STXBP5L: variants seen among roughly 807,000 people sequenced by gnomAD.
STXBP5L encodes syntaxin-binding protein 5-like.
In STXBP5L, 65 loss-of-function variants were observed where a neutral mutation model predicts 144.5. The ratio of observed to expected loss-of-function variants is 0.45; its 90% confidence interval spans 0.37 to 0.55. STXBP5L has a LOEUF of 0.55. Among genes scored for constraint, STXBP5L ranks in the 20% least tolerant of loss-of-function variants. The pLI is 0.00. For synonymous variants in STXBP5L, 505 were observed against 469.6 expected (o/e 1.08, Z -0.97); for missense variants, 1,298 against 1,405.5 (o/e 0.92, Z 1.22).
chr3:121,166,989 AG>A (rs1321183824), intron 9 of STXBP5L, among the ~76,000 whole-genome samples: 14 of 84 alleles, frequency 0.17, no homozygotes, highest in Non-Finnish European at 0.24. Context: ...AAAACTGTTC[AG>A]AAAAAAAACG....
chr3:121,408,307 A>T (rs1157642633), intron 23 of STXBP5L, among the ~76,000 whole-genome samples: 1 of 152,022 alleles, frequency 6.6e-6, no homozygotes, highest in Non-Finnish European at 1.5e-5. Flanking sequence ...CGTATACTAT[A>T]TAGAAGTCAC....
chr3:120,914,820 C>T (rs182546413), intron 2 of STXBP5L, among the ~76,000 whole-genome samples: 1 of 152,176 alleles, frequency 6.6e-6, no homozygotes, highest in East Asian at 1.9e-4. Context: ...ATTAATCTAC[C>T]ATTAAGACTA....
chr3:120,984,499 ATTAG>A (rs1488638987), intron 3 of STXBP5L, among the ~76,000 whole-genome samples: 1 of 151,484 alleles, frequency 6.6e-6, no homozygotes, highest in Admixed American at 6.6e-5. Context: ...CAATTCATTT[ATTAG>A]TTCTAACGGG....
chr3:121,266,646 GAAAT>G (rs948577015), intron 18 of STXBP5L, among the ~76,000 whole-genome samples: 5 of 152,130 alleles, frequency 3.3e-5, no homozygotes, highest in Non-Finnish European at 7.4e-5. Flanking sequence ...GCAAGAGAAA[GAAAT>G]AAAGGGTATT....
chr3:121,214,951 C>T (rs1032142665), intron 10 of STXBP5L, among the ~76,000 whole-genome samples: 2 of 152,066 alleles, frequency 1.3e-5, no homozygotes, highest in Non-Finnish European at 1.5e-5. Context: ...ATCCCTTTAC[C>T]ATTATGTAAT....
intron 20 of STXBP5L, among the ~76,000 whole-genome samples, chr3:121,375,486 T>C (rs1031646592): frequency 6.6e-6 from 1 of 152,192 alleles, no homozygotes; most frequent in African/African-American, 2.4e-5. Flanking sequence ...GATTATTACG[T>C]ATGTGATATG....
At chr3:121,301,254 G>A (rs1242157906) in intron 19 of STXBP5L, among the ~76,000 whole-genome samples, 4 of 152,080 alleles carry the variant, frequency 2.6e-5, no homozygotes, top group African/African-American at 9.7e-5. Context: ...CCTTAAAGAG[G>A]TCCTTCACAT....
chr3:121,122,319 A>G (rs1456796407), intron 7 of STXBP5L, among the ~76,000 whole-genome samples: 1 of 151,144 alleles, frequency 6.6e-6, no homozygotes, highest in African/African-American at 2.4e-5. Context: ...TCAAACCTGA[A>G]AGGCAAGTCC....
At position 120,963,546 on chromosome 3, in the gene STXBP5L, T is replaced by A. The variant is rs181166112; in HGVS notation, c.287+8509T>A. Among the ~76,000 whole-genome samples, 6 of 152,342 alleles carry A rather than the reference T, an allele frequency of 3.9e-5. No individual in the cohort carries two copies. The East Asian group carries it at 1.2e-3, about 29-fold the overall frequency. Reference sequence around the variant, plus strand: ...TGAGATAATCATGTGGTTTTTGTCATTTGTTCTGTTTATTTGATGGATTAT... The same window carrying A: ...TGAGATAATCATGTGGTTTTTGTCAATTGTTCTGTTTATTTGATGGATTAT... On this transcript the variant is annotated intron_variant, in intron 3 of 26. Coordinates refer to ENST00000471454, the MANE Select transcript of STXBP5L (RefSeq NM_001308330.2).
At chr3:121,291,809 A>T (rs1187598897) in intron 19 of STXBP5L, among the ~76,000 whole-genome samples, 1 of 152,156 alleles carries the variant, frequency 6.6e-6, no homozygotes, top group African/African-American at 2.4e-5. Flanking sequence ...TGGGGAAAGG[A>T]CACCCTATTC....
intron 10 of STXBP5L, among the ~76,000 whole-genome samples, chr3:121,222,771 C>T (rs1268137811): frequency 1.3e-5 from 2 of 152,116 alleles, no homozygotes; most frequent in East Asian, 1.9e-4. Flanking sequence ...CAAACCTACC[C>T]CAATATGTTT....
intron 5 of STXBP5L, among the ~76,000 whole-genome samples, chr3:121,096,159 G>A (rs2043117769): frequency 6.6e-6 from 1 of 152,124 alleles, no homozygotes; most frequent in East Asian, 1.9e-4. Flanking sequence ...TACCTCAGTT[G>A]GAAGTGCAGA....
chr3:121,285,588 G>A (rs1318724088), intron 19 of STXBP5L, among the ~76,000 whole-genome samples: 3 of 151,956 alleles, frequency 2.0e-5, no homozygotes, highest in Non-Finnish European at 2.9e-5. Flanking sequence ...TCACATCATA[G>A]AATAATAAAA....
In STXBP5L at chr3:121,419,231, A is replaced by C. The variant is rs756302118; in HGVS notation, c.*134A>C. 2.2e-6 allele frequency: 2 copies of C among 889,182 alleles called. No homozygotes were observed. The highest frequency in any genetic ancestry group is 3.0e-5 in the Admixed American group (1 of 32,948). 55.1% of individuals were successfully genotyped at this position (889,182 alleles called of 1,614,324 possible). On this transcript the variant is annotated 3_prime_UTR_variant, in exon 27 of 27. Coordinates refer to ENST00000471454, the MANE Select transcript of STXBP5L (RefSeq NM_001308330.2). The stretch of plus-strand genomic sequence containing the variant: ...CATTTACAGTCAATCTGAAATTTTC[A>C]TAAAAGAGATGTATCAGAGACACTG...
At chr3:121,044,707 A>C (rs1254109930) in intron 4 of STXBP5L, among the ~76,000 whole-genome samples, 1 of 152,166 alleles carries the variant, frequency 6.6e-6, no homozygotes. Context: ...TAGTTTAAGC[A>C]TATATACAAA....
chr3:121,162,231 G>T (rs967022925), intron 9 of STXBP5L, among the ~76,000 whole-genome samples: 1 of 152,092 alleles, frequency 6.6e-6, no homozygotes, highest in Non-Finnish European at 1.5e-5. Context: ...GTATGAAGAC[G>T]TTGATTTCCC....
intron 20 of STXBP5L, among the ~76,000 whole-genome samples, chr3:121,349,065 G>A (rs1291310547): frequency 6.6e-6 from 1 of 152,012 alleles, no homozygotes; most frequent in African/African-American, 2.4e-5. Flanking sequence ...GTCAGTTTTA[G>A]ATATTTCCTG....
intron 19 of STXBP5L, among the ~76,000 whole-genome samples, chr3:121,289,804 A>G (rs1310581512): frequency 6.6e-6 from 1 of 152,230 alleles, no homozygotes; most frequent in Non-Finnish European, 1.5e-5. Flanking sequence ...CTGCCCCTGA[A>G]TGATAGTTGG....
At chr3:121,215,514 A>G (rs964289935) in intron 10 of STXBP5L, among the ~76,000 whole-genome samples, 7 of 152,152 alleles carry the variant, frequency 4.6e-5, no homozygotes, top group Admixed American at 1.3e-4. Flanking sequence ...TTTCTTTAAT[A>G]GTGTTGAATA....
Sources: gnomAD v4.1 joint callset for allele counts (sites outside exome capture counted in the v4.1 genomes callset) on GRCh38, gnomAD v4.1.1 for gene constraint, MANE v1.5 for transcripts, NCBI Gene and HGNC (gene_info 2026-07-23, HGNC 2026-07-21) for gene names.